Variants in PIK3C2G observed in about 807,000 individuals in gnomAD.
The protein encoded by PIK3C2G is phosphatidylinositol-4-phosphate 3-kinase catalytic subunit type 2 gamma.
In PIK3C2G, 168 loss-of-function variants were observed where a neutral mutation model predicts 181.1. That is an observed-to-expected ratio of 0.93 (90% CI 0.82 to 1.05). PIK3C2G has a LOEUF of 1.05. PIK3C2G is among the 50% of genes least tolerant of loss of function. PIK3C2G has a pLI of 0.00. For missense variants in PIK3C2G, 1,869 were observed against 1,732.8 expected (o/e 1.08, Z -1.40); for synonymous variants, 573 against 592.2 (o/e 0.97, Z 0.47).
chr12:18,367,373 C>A (rs1372832878), intron 12 of PIK3C2G, among the ~76,000 whole-genome samples: 1 of 152,048 alleles, frequency 6.6e-6, no homozygotes, highest in Non-Finnish European at 1.5e-5. Flanking sequence ...ACCGAAATAT[C>A]TAGGTATCCA....
At chr12:18,569,385 G>A (rs966856720) in intron 29 of PIK3C2G, among the ~76,000 whole-genome samples, 15 of 152,080 alleles carry the variant, frequency 9.9e-5, no homozygotes, top group African/African-American at 3.4e-4. Context: ...GAGCCCTCTC[G>A]AACACCTGAA....
intron 24 of PIK3C2G, among the ~76,000 whole-genome samples, chr12:18,534,203 G>A (rs1383308702): frequency 6.6e-6 from 1 of 152,000 alleles, no homozygotes. Flanking sequence ...ACCCTGCTCA[G>A]CCTCCCAAAG....
chr12:18,498,527 G>T (rs1376616102), intron 22 of PIK3C2G, among the ~76,000 whole-genome samples: 1 of 151,572 alleles, frequency 6.6e-6, no homozygotes, highest in Non-Finnish European at 1.5e-5. Context: ...ACAAAGGGAT[G>T]AAATCATAGA....
chr12:18,626,880 G>T (rs1949124004), intron 31 of PIK3C2G, among the ~76,000 whole-genome samples: 1 of 151,802 alleles, frequency 6.6e-6, no homozygotes, highest in Admixed American at 6.6e-5. Context: ...AATTTGATTG[G>T]AGATTTCTGT....
At chr12:18,598,237 G>A (rs1202580140) in intron 30 of PIK3C2G, among the ~76,000 whole-genome samples, 220 of 151,838 alleles carry the variant, frequency 1.4e-3, no homozygotes, top group Non-Finnish European at 2.2e-3. Context: ...CACACTACCT[G>A]ACTTCAAACT....
chr12:18,365,602 T>A (rs1339620756), intron 12 of PIK3C2G, among the ~76,000 whole-genome samples: 1 of 152,208 alleles, frequency 6.6e-6, no homozygotes, highest in African/African-American at 2.4e-5. Context: ...TGGCCATTTG[T>A]TCTCCATGTC....
chr12:18,317,013 T>TC lies in PIK3C2G; in HGVS notation c.1137+2949_1137+2950insC, dbSNP rs1341868822. On this transcript the variant is annotated intron_variant, in intron 6 of 32. Coordinates refer to ENST00000538779, the MANE Select transcript of PIK3C2G (RefSeq NM_001288772.2). The stretch of plus-strand genomic sequence containing the variant: ...CCCCATCTCTCTAAGTCTTGATTCT[T>TC]TTTTTTTTTTTTTTTTTTGAGACGG... Among the ~76,000 whole-genome samples, 12 of 109,948 alleles carry TC rather than the reference T, an allele frequency of 1.1e-4. No homozygotes were observed. The East Asian group carries it at 2.0e-3, about 18-fold the overall frequency. 72.1% of individuals were successfully genotyped at this position (109,948 alleles called of 152,430 possible). A position where few individuals can be genotyped will look rare whatever the true frequency, so the allele number is the denominator to read the frequency against.
chr12:18,593,995 G>T (rs1210436371), intron 29 of PIK3C2G, among the ~76,000 whole-genome samples: 1 of 151,748 alleles, frequency 6.6e-6, no homozygotes, highest in Non-Finnish European at 1.5e-5. Context: ...ATTTTACTAT[G>T]TACAGAGAAC....
chr12:18,653,564 C>A, the PIK3C2G span, among the ~76,000 whole-genome samples: 1 of 152,106 alleles, frequency 6.6e-6, no homozygotes, highest in African/African-American at 2.4e-5. Flanking sequence ...CTAAACTTCA[C>A]CAAATTGTGT....
At chr12:18,611,174 G>C (rs545109588) in intron 31 of PIK3C2G, among the ~76,000 whole-genome samples, 22 of 152,070 alleles carry the variant, frequency 1.4e-4, no homozygotes, top group African/African-American at 4.3e-4. Context: ...GCATGAAGCA[G>C]GGATAGGAGG....
intron 18 of PIK3C2G, among the ~76,000 whole-genome samples, chr12:18,430,826 G>C (rs1946112897): frequency 6.6e-6 from 1 of 152,142 alleles, no homozygotes; most frequent in African/African-American, 2.4e-5. Context: ...TTCTGTACCA[G>C]TTGAGAAAAC....
chr12:18,638,584 G>C (rs1591737763), intron 31 of PIK3C2G, among the ~76,000 whole-genome samples: 1 of 152,250 alleles, frequency 6.6e-6, no homozygotes, highest in Non-Finnish European at 1.5e-5. Context: ...CACAGTACAG[G>C]AGATAAGGGT....
chr12:18,443,625 G>A (rs891004748), intron 18 of PIK3C2G, among the ~76,000 whole-genome samples: 6 of 151,868 alleles, frequency 4.0e-5, no homozygotes, highest in African/African-American at 1.4e-4. Context: ...TAAAATTTTG[G>A]TTAAAAAAAC....
At chr12:18,313,820 A>ACACACACACGCACACACACG in intron 5 of PIK3C2G, 142 bp from the exon 6 acceptor site, 1 of 542,078 alleles carries the variant, frequency 1.8e-6, no homozygotes, top group Non-Finnish European at 3.2e-6. Context: ...ACACACACAC[A>ACACACACACGCACACACACG]CACACACACG....
intron 16 of PIK3C2G, among the ~76,000 whole-genome samples, chr12:18,408,444 C>G (rs1944663757): frequency 6.6e-6 from 1 of 152,126 alleles, no homozygotes; most frequent in Non-Finnish European, 1.5e-5. Flanking sequence ...GTACCAGTAC[C>G]ATGCTGTTTT....
intron 22 of PIK3C2G, among the ~76,000 whole-genome samples, chr12:18,502,038 A>G (rs927207128): frequency 6.6e-6 from 1 of 152,338 alleles, no homozygotes; most frequent in Non-Finnish European, 1.5e-5. Flanking sequence ...TAAATCTGCT[A>G]TCTCCCTTAA....
intron 1 of PIK3C2G, among the ~76,000 whole-genome samples, chr12:18,266,791 T>C (rs548084659): frequency 1.3e-5 from 2 of 152,170 alleles, no homozygotes; most frequent in East Asian, 3.9e-4. Context: ...CTTCTCCTCC[T>C]TTTTCTTCCT....
At chr12:18,328,901 CA>C (rs1439565534) in intron 8 of PIK3C2G, among the ~76,000 whole-genome samples, 1 of 151,038 alleles carries the variant, frequency 6.6e-6, no homozygotes, top group East Asian at 1.9e-4. Context: ...GGGAAATGAG[CA>C]AAAAAAGTGT....
chr12:18,436,069 T>G (rs1255755676), intron 18 of PIK3C2G, among the ~76,000 whole-genome samples: 2 of 152,038 alleles, frequency 1.3e-5, no homozygotes, highest in Admixed American at 6.6e-5. Flanking sequence ...GGTTCCAAAG[T>G]TTATTATTGC....
Sources: allele counts gnomAD v4.1 joint callset (sites outside exome capture counted in the v4.1 genomes callset), GRCh38; gene constraint gnomAD v4.1.1; transcripts MANE v1.5; gene names NCBI Gene and HGNC (gene_info 2026-07-23, HGNC 2026-07-21).